SPTB: variants seen among roughly 807,000 people sequenced by gnomAD.
SPTB encodes spectrin beta, erythrocytic.
SPTB carries 45 observed loss-of-function variants against 256.2 expected under a neutral mutation model. The ratio of observed to expected loss-of-function variants is 0.18; its 90% confidence interval spans 0.14 to 0.23. SPTB has a LOEUF of 0.23. SPTB is among the 10% of genes least tolerant of loss of function. The probability of loss-of-function intolerance (pLI) is 1.00; values close to 1 mark genes in which losing one functional copy is unlikely to be tolerated. For missense variants in SPTB, 2,715 were observed against 3,040.4 expected (o/e 0.89, Z 2.52); for synonymous variants, 1,231 against 1,243.1 (o/e 0.99, Z 0.21).
Position 64,859,716 on chromosome 14 carries a change from C to CTA in SPTB, c.-52+20075_-52+20076insTA, listed in dbSNP as rs761975167. Among the ~76,000 whole-genome samples, 112 of 124,864 alleles carry CTA rather than the reference C, an allele frequency of 9.0e-4. No individual in the cohort carries two copies. The East Asian group carries it at 0.02, about 22-fold the overall frequency. 81.9% of individuals were successfully genotyped at this position (124,864 alleles called of 152,430 possible). On this transcript the variant is annotated intron_variant, in intron 1 of 35. Transcript: ENST00000644917. ...TCTGTCTCTCTCTCTCTCTCTCTCT[C>CTA]TCTCTATATATATATATATATGCAT...
At chr14:64,819,116 G>A (rs1405092429) in intron 2 of SPTB, among the ~76,000 whole-genome samples, 1 of 152,144 alleles carries the variant, frequency 6.6e-6, no homozygotes, top group Non-Finnish European at 1.5e-5. Flanking sequence ...CCCCTTACAG[G>A]AGCCTTCTGC....
At chr14:64,864,837 G>C (rs1882066839) in intron 1 of SPTB, among the ~76,000 whole-genome samples, 1 of 152,282 alleles carries the variant, frequency 6.6e-6, no homozygotes, top group South Asian at 2.1e-4. Context: ...AAGAAGGAGA[G>C]GGAAGGAGAG....
chr14:64,786,276 C>A lies in SPTB; in HGVS notation c.3561+128G>T. On this transcript the variant is annotated intron_variant, in intron 16 of 35. Transcript: ENST00000644917. The surrounding 1 kb of genome is among the most constrained non-coding windows in gnomAD (Gnocchi z 5.6). ...CCCTAATGAGAAACAAAGATTTCCC[C>A]CATGAGTGAATACAGAGTACAAGAC... The A allele has an allele frequency of 7.6e-7, 1 of 1,319,976 alleles. No individual in the cohort carries two copies. The allele number at this position is 1,319,976 out of a possible 1,614,324, so 81.8% of individuals were successfully genotyped here. A position where few individuals can be genotyped will look rare whatever the true frequency, so the allele number is the denominator to read the frequency against.
intron 1 of SPTB, among the ~76,000 whole-genome samples, chr14:64,874,168 C>T (rs1445549787): frequency 1.3e-5 from 2 of 152,218 alleles, no homozygotes; most frequent in Middle Eastern, 3.2e-3. Context: ...CCTAATCATG[C>T]TTTATTGTCT....
chr14:64,877,737 C>T (rs543419881), intron 1 of SPTB, among the ~76,000 whole-genome samples: 2 of 152,340 alleles, frequency 1.3e-5, no homozygotes, highest in African/African-American at 4.8e-5. Context: ...TCCAGAGCTG[C>T]AGCAGACCTG....
At chr14:64,776,742 T>C (rs1463905926) in intron 22 of SPTB, among the ~76,000 whole-genome samples, 1 of 152,194 alleles carries the variant, frequency 6.6e-6, no homozygotes, top group African/African-American at 2.4e-5. Context: ...GCGCCCGGCC[T>C]AAAAGGGTAT....
In SPTB at chr14:64,844,569, T is replaced by G. The variant is rs1367378395; in HGVS notation, c.-51-21424A>C. Among the ~76,000 whole-genome samples, 1 of 152,242 alleles carries G rather than the reference T, an allele frequency of 6.6e-6. No homozygotes were observed. The highest frequency in any genetic ancestry group is 2.4e-5 in the African/African-American group (1 of 41,470). ...AGTCACACAACTGTGAGAAGCCTGA[T>G]GCCGGTCTGACAGCAGAACTTTAGG... On this transcript the variant is annotated intron_variant, in intron 1 of 35. Coordinates refer to ENST00000644917, the MANE Select transcript of SPTB (RefSeq NM_001355436.2). This position sits in a 1 kb window ranked among gnomAD's most constrained non-coding sequence, Gnocchi z 4.1.
At chr14:64,752,346 T>A in intron 33 of SPTB, 1 of 943,302 alleles carries the variant, frequency 1.1e-6, no homozygotes, top group Non-Finnish European at 1.5e-6. Context: ...GAGAAACTAG[T>A]AGGGCACATA....
At chr14:64,780,179 A>G (rs903789444) in intron 20 of SPTB, among the ~76,000 whole-genome samples, 2 of 152,170 alleles carry the variant, frequency 1.3e-5, no homozygotes, top group African/African-American at 4.8e-5. Context: ...AAACCAGGAG[A>G]CATTTTTGCA....
chr14:64,747,994 T>C lies in SPTB; in HGVS notation c.*1312A>G, dbSNP rs1163980191. ...GGGACGTTGGTTGCAGAGCTTCTGG[T>C]GCTCAGGGCTGGAGGGTGGTAGATA... is the stretch of plus-strand genomic sequence containing the variant. On this transcript the variant is annotated 3_prime_UTR_variant, in exon 36 of 36. Transcript: ENST00000644917. 1 of 152,148 alleles carries C rather than the reference T, an allele frequency of 6.6e-6. No individual in the cohort carries two copies. The highest frequency in any genetic ancestry group is 1.5e-5 in the Non-Finnish European group (1 of 68,064). 9.4% of individuals were successfully genotyped at this position (152,148 alleles called of 1,614,324 possible). A position where few individuals can be genotyped will look rare whatever the true frequency, so the allele number is the denominator to read the frequency against.
intron 1 of SPTB, among the ~76,000 whole-genome samples, chr14:64,829,226 A>G (rs2083414742): frequency 6.6e-6 from 1 of 152,204 alleles, no homozygotes; most frequent in South Asian, 2.1e-4. Context: ...AATCAAGATA[A>G]ATAACAACTT....
At chr14:64,762,153 C>G (rs911174936) in intron 32 of SPTB, among the ~76,000 whole-genome samples, 14 of 152,196 alleles carry the variant, frequency 9.2e-5, no homozygotes, top group African/African-American at 3.4e-4. Context: ...CACACTGACT[C>G]AGGCATACTG....
rs773712048 is a variant in SPTB at position 64,767,321 on chromosome 14, C to A, written c.6251G>T (p.Arg2084Ile). Residue 2084 changes from arginine to isoleucine, a missense_variant, in exon 31 of 36, where the codon AGA becomes ATA. Physicochemically the swap from Arg to Ile is moderately conservative, Grantham distance 97. Transcript: ENST00000644917. ...LELKERQIAE[R>I]PAEETGPQEE... is the part of the protein sequence containing the mutation. ...CACTCACCCAGTCTCCTCTGCGGGTCTCTCTGCAATCTGGCGTTCTTTCAG... is the reference window on the plus strand; with the variant it reads ...CACTCACCCAGTCTCCTCTGCGGGTATCTCTGCAATCTGGCGTTCTTTCAG... 6.2e-7 allele frequency: 1 copy of A among 1,614,132 alleles called. No homozygotes were observed. The highest frequency in any genetic ancestry group is 1.1e-5 in the South Asian group (1 of 91,084).
At chr14:64,799,640 G>T (rs929557731) in intron 9 of SPTB, 107 bp downstream of exon 9, 5 of 1,284,530 alleles carry the variant, frequency 3.9e-6, no homozygotes, top group Non-Finnish European at 5.5e-6. Context: ...TAATCTTGAG[G>T]GTGTGCCTTG....
At chr14:64,808,036 C>A (rs940388270) in intron 2 of SPTB, among the ~76,000 whole-genome samples, 4 of 152,226 alleles carry the variant, frequency 2.6e-5, no homozygotes, top group Admixed American at 2.6e-4. Context: ...TTCTTTTCAA[C>A]GGAGTCTCGC....
At chr14:64,878,590 C>T (rs889660907) in intron 1 of SPTB, among the ~76,000 whole-genome samples, 2 of 152,064 alleles carry the variant, frequency 1.3e-5, no homozygotes, top group Non-Finnish European at 2.9e-5. Context: ...TTGAGCTGTG[C>T]CTAAAAATCT....
At position 64,866,630 on chromosome 14, in the gene SPTB, G is replaced by A. The variant is rs1003446067; in HGVS notation, c.-52+13162C>T. Among the ~76,000 whole-genome samples, 2 of 152,136 alleles carry A rather than the reference G, an allele frequency of 1.3e-5. No homozygotes were observed. The highest frequency in any genetic ancestry group is 2.9e-5 in the Non-Finnish European group (2 of 68,034). On this transcript the variant is annotated intron_variant, in intron 1 of 35. Coordinates refer to ENST00000644917, the MANE Select transcript of SPTB (RefSeq NM_001355436.2). The surrounding 1 kb of genome is among the most constrained non-coding windows in gnomAD (Gnocchi z 4.6). ...AGTGGGAGTGCATCCATGACAGAGA[G>A]TTTTGTTGAAAGGAACAAAACATGC... is the stretch of plus-strand genomic sequence containing the variant.
chr14:64,794,075 A>G (rs1316020692), intron 13 of SPTB, among the ~76,000 whole-genome samples: 1 of 152,226 alleles, frequency 6.6e-6, no homozygotes, highest in African/African-American at 2.4e-5. Context: ...GTTAAGGAAG[A>G]TAAAAAGTGG....
chr14:64,787,095 T>G lies in SPTB; in HGVS notation c.2870A>C (p.His957Pro). 1 of 1,611,290 alleles carries G rather than the reference T, an allele frequency of 6.2e-7. No individual in the cohort carries two copies. Among genetic ancestry groups the G allele is most frequent in the Non-Finnish European group, 8.5e-7 (1 of 1,179,996 alleles). ...CTCCTCGCAATCTACGCAGTAGTTG[T>G]GCACTCGGAGGGCTGAGTCCACAGC... Reference protein sequence around the residue: ...REAVDSALRVHNYCVDCEETS... With the variant: ...REAVDSALRVPNYCVDCEETS... Residue 957 changes from histidine to proline, a missense_variant, in exon 16 of 36, where the codon CAC (histidine) becomes CCC (proline). His to Pro is a moderately conservative substitution (Grantham distance 77). Transcript: ENST00000644917.
Sources: allele counts gnomAD v4.1 joint callset (sites outside exome capture counted in the v4.1 genomes callset), GRCh38; gene constraint gnomAD v4.1.1; non-coding constraint Gnocchi (gnomAD v3.1); transcripts MANE v1.5; gene names NCBI Gene and HGNC (gene_info 2026-07-23, HGNC 2026-07-21).